Variants in RIMKLA observed in about 807,000 individuals in gnomAD.
RIMKLA encodes ribosomal modification protein rimK like family member A, also known as N-acetylaspartylglutamate synthase A.
RIMKLA carries 14 observed loss-of-function variants against 32.7 expected under a neutral mutation model. The observed-to-expected ratio is 0.43, with a 90% CI of 0.28 to 0.67. The LOEUF is 0.67. Among genes scored for constraint, RIMKLA ranks in the 30% least tolerant of loss-of-function variants. The pLI, the probability that RIMKLA is intolerant of heterozygous loss-of-function variation, is 0.18. For synonymous variants in RIMKLA, 176 were observed against 204.1 expected, an observed-to-expected ratio of 0.86 and a Z score of 1.18; for missense variants, 410 against 519.0, an observed-to-expected ratio of 0.79 and a Z score of 2.04.
intron 2 of RIMKLA, among the ~76,000 whole-genome samples, chr1:42,404,304 C>T (rs1458789415): frequency 1.3e-5 from 2 of 152,176 alleles, no homozygotes; most frequent in Non-Finnish European, 2.9e-5. Context: ...ACAGAAGGCA[C>T]CTGCTAAATG....
chr1:42,385,751 CTTT>C (rs1260049998), intron 1 of RIMKLA, among the ~76,000 whole-genome samples: 1 of 95,934 alleles, frequency 1.0e-5, no homozygotes, highest in Non-Finnish European at 2.1e-5. Flanking sequence ...TTCTTTCTTT[CTTT>C]CTTTCTTTCT....
intron 1 of RIMKLA, among the ~76,000 whole-genome samples, chr1:42,384,970 T>A (rs1458836335): frequency 6.6e-6 from 1 of 152,204 alleles, no homozygotes; most frequent in African/African-American, 2.4e-5. Flanking sequence ...AAGGCTTGCT[T>A]GCGCTCCTTT....
chr1:42,401,455 A>T (rs922443626), intron 2 of RIMKLA, among the ~76,000 whole-genome samples: 1 of 151,948 alleles, frequency 6.6e-6, no homozygotes, highest in Non-Finnish European at 1.5e-5. Context: ...TGTCTAAAAA[A>T]AAAAGGAAGG....
At position 42,415,096 on chromosome 1, in the gene RIMKLA, C is replaced by T. The variant is rs1160154651; in HGVS notation, c.*122C>T. 4.5e-6 allele frequency: 5 copies of T among 1,116,816 alleles called. No individual in the cohort carries two copies. Among genetic ancestry groups the T allele is most frequent in the Admixed American group, 2.4e-5 (1 of 41,078 alleles). The allele number at this position is 1,116,816 out of a possible 1,614,324, so 69.2% of individuals were successfully genotyped here. ...AAACTAGAAATCCCATCTGGGCACT[C>T]AGCATTTTTTCTAACGATGATTTAA... On this transcript the variant is annotated 3_prime_UTR_variant, in exon 5 of 5. Coordinates refer to ENST00000431473, the MANE Select transcript of RIMKLA (RefSeq NM_173642.4).
chr1:42,392,201 C>T (rs1169225042), intron 1 of RIMKLA, among the ~76,000 whole-genome samples: 1 of 152,160 alleles, frequency 6.6e-6, no homozygotes, highest in African/African-American at 2.4e-5. Flanking sequence ...ATTTTTCTCT[C>T]TCCCCAGGCA....
At chr1:42,390,561 A>G (rs942678903) in intron 1 of RIMKLA, among the ~76,000 whole-genome samples, 2 of 152,192 alleles carry the variant, frequency 1.3e-5, no homozygotes, top group South Asian at 2.1e-4. Context: ...AAGGTAATCT[A>G]TATGTCACAG....
intron 2 of RIMKLA, among the ~76,000 whole-genome samples, chr1:42,403,367 A>G (rs1643117137): frequency 6.6e-6 from 1 of 152,226 alleles, no homozygotes; most frequent in Non-Finnish European, 1.5e-5. Flanking sequence ...CCCAAACTAG[A>G]AAGTACACTA....
intron 2 of RIMKLA, 52 bp from the exon 3 acceptor site, chr1:42,404,459 C>T (rs761144344): frequency 6.8e-5 from 86 of 1,266,618 alleles, no homozygotes; most frequent in Non-Finnish European, 7.5e-5. Flanking sequence ...CTGGGGTGAC[C>T]GCTACCTGAC....
Position 42,410,164 on chromosome 1 carries a change from G to A in RIMKLA, c.662G>A (p.Arg221Gln), listed in dbSNP as rs757663003. 15 of 1,614,116 alleles carry A rather than the reference G, an allele frequency of 9.3e-6. No individual in the cohort carries two copies. In the East Asian group the frequency reaches 1.8e-4, roughly 19 times the overall value. Residue 221 changes from arginine (R) to glutamine (Q), a missense_variant, in exon 4 of 5, where the codon CGG becomes CAG. Physicochemically the swap from Arg to Gln is conservative, Grantham distance 43 (BLOSUM62 1). Coordinates refer to ENST00000431473, the MANE Select transcript of RIMKLA (RefSeq NM_173642.4). ...GSMLRCSTDGRMQSNCSLGGV... is the reference protein window; with the variant it reads ...GSMLRCSTDGQMQSNCSLGGV... ...ATGCTTCGCTGCTCCACTGATGGAC[G>A]GATGCAGAGCAACTGCTCTCTCGGT...
intron 1 of RIMKLA, among the ~76,000 whole-genome samples, chr1:42,384,083 A>G (rs1248628756): frequency 6.6e-6 from 1 of 152,130 alleles, no homozygotes; most frequent in Non-Finnish European, 1.5e-5. Flanking sequence ...GCCTCAGTCT[A>G]TTGCTTAAAT....
intron 2 of RIMKLA, among the ~76,000 whole-genome samples, chr1:42,399,931 G>A (rs1643082490): frequency 6.6e-6 from 1 of 152,236 alleles, no homozygotes; most frequent in Admixed American, 6.5e-5. Flanking sequence ...ATCAGAGGCA[G>A]AGGACAAGTG....
chr1:42,392,771 C>T (rs1643010951), intron 1 of RIMKLA, among the ~76,000 whole-genome samples: 1 of 152,158 alleles, frequency 6.6e-6, no homozygotes, highest in Non-Finnish European at 1.5e-5. Flanking sequence ...GCAGACAGAT[C>T]ACCTGAGCTC....
At chr1:42,385,037 C>G (rs1003790396) in intron 1 of RIMKLA, among the ~76,000 whole-genome samples, 5 of 152,120 alleles carry the variant, frequency 3.3e-5, no homozygotes, top group African/African-American at 1.2e-4. Context: ...TTGTCCATAC[C>G]TTTTAAAATA....
chr1:42,388,517 G>GTTTTTTTT (rs35842187), intron 1 of RIMKLA, among the ~76,000 whole-genome samples: 1 of 131,726 alleles, frequency 7.6e-6, no homozygotes. Flanking sequence ...CTGAAAGCTT[G>GTTTTTTTT]TTTTTTTTTT....
At chr1:42,400,864 A>G (rs1043550383) in intron 2 of RIMKLA, among the ~76,000 whole-genome samples, 6 of 152,092 alleles carry the variant, frequency 3.9e-5, no homozygotes, top group African/African-American at 1.4e-4. Context: ...GGATGAGAGT[A>G]CTCAGGGAGA....
chr1:42,421,785 A>G lies in RIMKLA; in HGVS notation c.*6811A>G, dbSNP rs1444923354. ...ACAGCCACAGTGACCATTAGAGATT[A>G]TATTAACCTGCAATTAAATAAAGTA... On this transcript the variant is annotated 3_prime_UTR_variant, in exon 5 of 5. Coordinates refer to ENST00000431473, the MANE Select transcript of RIMKLA (RefSeq NM_173642.4). This position sits in a 1 kb window ranked among gnomAD's most constrained non-coding sequence, Gnocchi z 4.6. 2.6e-5 allele frequency: 4 copies of G among 152,268 alleles called. No homozygotes were observed. Among genetic ancestry groups the G allele is most frequent in the Non-Finnish European group, 4.4e-5 (3 of 68,048 alleles). 9.4% of individuals were successfully genotyped at this position (152,268 alleles called of 1,614,324 possible). A position where few individuals can be genotyped will look rare whatever the true frequency, so the allele number is the denominator to read the frequency against.
intron 1 of RIMKLA, among the ~76,000 whole-genome samples, chr1:42,398,967 TAAAAAAAAAA>T (rs543668676): frequency 1.0e-5 from 1 of 98,390 alleles, no homozygotes; most frequent in African/African-American, 4.2e-5. Context: ...ACCCTGTCTT[TAAAAAAAAAA>T]AAAAAAAAAA....
intron 1 of RIMKLA, among the ~76,000 whole-genome samples, chr1:42,382,295 C>A (rs1450349973): frequency 6.6e-6 from 1 of 152,164 alleles, no homozygotes; most frequent in Non-Finnish European, 1.5e-5. Context: ...CTCTCTCTAT[C>A]CTTGATTTAT....
At chr1:42,381,355 C>G (rs941185661) in intron 1 of RIMKLA, among the ~76,000 whole-genome samples, 2 of 152,166 alleles carry the variant, frequency 1.3e-5, no homozygotes, top group East Asian at 3.9e-4. Flanking sequence ...TGTGAGAAAC[C>G]CGAATTCACC....
Sources: gnomAD v4.1 joint callset for allele counts (sites outside exome capture counted in the v4.1 genomes callset) on GRCh38, gnomAD v4.1.1 for gene constraint, Gnocchi (gnomAD v3.1) non-coding constraint, MANE v1.5 for transcripts, NCBI Gene and HGNC (gene_info 2026-07-23, HGNC 2026-07-21) for gene names.